Variants in EHD4 observed in about 807,000 individuals in gnomAD.
EHD4 encodes EH domain-containing protein 4.
A neutral mutation model predicts 51.0 loss-of-function variants in EHD4; 37 were observed. That is an observed-to-expected ratio of 0.73 (90% CI 0.56 to 0.95). The LOEUF (loss-of-function observed/expected upper bound fraction) is 0.95, where lower values mean the gene tolerates loss of function less well. Ranked by LOEUF, EHD4 falls within the 40% of genes least tolerant of loss-of-function variation. The probability of loss-of-function intolerance (pLI) is 0.00; values close to 1 mark genes in which losing one functional copy is unlikely to be tolerated. For missense variants in EHD4, 632 were observed against 733.1 expected, an observed-to-expected ratio of 0.86 and a Z score of 1.59; for synonymous variants, 297 against 317.3, an observed-to-expected ratio of 0.94 and a Z score of 0.68.
chr15:41,908,881 G>A (rs926625386), intron 5 of EHD4, among the ~76,000 whole-genome samples: 19 of 152,328 alleles, frequency 1.2e-4, no homozygotes, highest in African/African-American at 4.1e-4. Context: ...CACTGTTTGC[G>A]TTACTGGGTG....
intron 3 of EHD4, among the ~76,000 whole-genome samples, chr15:41,932,917 T>C (rs1298815146): frequency 6.6e-6 from 1 of 152,198 alleles, no homozygotes; most frequent in Non-Finnish European, 1.5e-5. Context: ...GCTGGGTCCG[T>C]CTATTCTGGG....
intron 1 of EHD4, among the ~76,000 whole-genome samples, chr15:41,960,437 T>C (rs995041560): frequency 6.6e-6 from 1 of 152,188 alleles, no homozygotes; most frequent in South Asian, 2.1e-4. Flanking sequence ...CCATTAGTCT[T>C]TCCTCATACC....
Position 41,900,447 on chromosome 15 carries a change from T to A in EHD4, c.*198A>T. ...TCCTAATCCACCCCCCTACCCCCAA[T>A]ATTTTCATAGAAACTAAGGGAATTT... On this transcript the variant is annotated 3_prime_UTR_variant, in exon 6 of 6. Transcript: ENST00000220325. The surrounding 1 kb of genome is among the most constrained non-coding windows in gnomAD (Gnocchi z 4.8). 2 of 613,416 alleles carry A rather than the reference T, an allele frequency of 3.3e-6. No homozygotes were observed. The allele number at this position is 613,416 out of a possible 1,614,324, so 38.0% of individuals were successfully genotyped here.
At chr15:41,920,721 C>G (rs192619705) in intron 3 of EHD4, among the ~76,000 whole-genome samples, 1 of 152,162 alleles carries the variant, frequency 6.6e-6, no homozygotes, top group East Asian at 1.9e-4. Context: ...TAACAAAATA[C>G]CATACGGTGG....
chr15:41,950,048 TAG>T (rs2067843116), intron 2 of EHD4, among the ~76,000 whole-genome samples: 1 of 152,266 alleles, frequency 6.6e-6, no homozygotes, highest in South Asian at 2.1e-4. Flanking sequence ...AGCAGTCTGC[TAG>T]AGTTTCAGAA....
chr15:41,971,907 C>G (rs1321308438), intron 1 of EHD4, among the ~76,000 whole-genome samples: 1 of 152,276 alleles, frequency 6.6e-6, no homozygotes, highest in African/African-American at 2.4e-5. Context: ...CCTCTCCCCC[C>G]ATTTCCATCC....
chr15:41,918,576 C>CT (rs1488014400), intron 4 of EHD4, among the ~76,000 whole-genome samples: 1 of 152,240 alleles, frequency 6.6e-6, no homozygotes, highest in Non-Finnish European at 1.5e-5. Flanking sequence ...TGGGCACACA[C>CT]TCCTGGGGCT....
chr15:41,907,372 A>G (rs185296437), intron 5 of EHD4, among the ~76,000 whole-genome samples: 1 of 152,330 alleles, frequency 6.6e-6, no homozygotes, highest in African/African-American at 2.4e-5. Context: ...CAGGGGTGTG[A>G]ATGGGGAAGT....
chr15:41,935,853 C>G (rs187995977), intron 3 of EHD4, among the ~76,000 whole-genome samples: 1 of 152,170 alleles, frequency 6.6e-6, no homozygotes, highest in Non-Finnish European at 1.5e-5. Flanking sequence ...GATAGTCAGA[C>G]AGTGGTTGGG....
intron 3 of EHD4, among the ~76,000 whole-genome samples, chr15:41,940,539 G>A (rs1453149263): frequency 1.3e-5 from 2 of 152,328 alleles, no homozygotes; most frequent in East Asian, 3.9e-4. Context: ...CACCGGGCTT[G>A]GGAACCACAG....
chr15:41,907,870 GTATA>G (rs66791242), intron 5 of EHD4, among the ~76,000 whole-genome samples: 26,389 of 107,502 alleles, frequency 0.25, 2,775 homozygotes, highest in African/African-American at 0.36. Context: ...GTGTGTGTGT[GTATA>G]TATTTATTTA....
chr15:41,956,004 T>C (rs956014397), intron 1 of EHD4, among the ~76,000 whole-genome samples: 1 of 152,066 alleles, frequency 6.6e-6, no homozygotes, highest in Non-Finnish European at 1.5e-5. Context: ...GAGAGACTGC[T>C]GGGGAGGGAG....
intron 5 of EHD4, among the ~76,000 whole-genome samples, chr15:41,908,050 G>C (rs979574757): frequency 9.2e-5 from 14 of 151,976 alleles, no homozygotes; most frequent in African/African-American, 3.4e-4. Context: ...ATTTTTAGTA[G>C]AGACAGGGTT....
At chr15:41,915,808 G>T in intron 4 of EHD4, among the ~76,000 whole-genome samples, 1 of 152,078 alleles carries the variant, frequency 6.6e-6, no homozygotes, top group East Asian at 1.9e-4. Flanking sequence ...TTCCAAGAAG[G>T]ATGTCTACTG....
In EHD4 at chr15:41,898,880, G is replaced by A. The variant is rs182600142; in HGVS notation, c.*1765C>T. 6.0e-4 allele frequency: 91 copies of A among 152,236 alleles called. No individual in the cohort carries two copies. The highest frequency in any genetic ancestry group is 2.0e-3 in the African/African-American group (84 of 41,538). The allele number at this position is 152,236 out of a possible 1,614,324, so 9.4% of individuals were successfully genotyped here. A position where few individuals can be genotyped will look rare whatever the true frequency, so the allele number is the denominator to read the frequency against. On this transcript the variant is annotated 3_prime_UTR_variant, in exon 6 of 6. Transcript: ENST00000220325. ...AATAATAAATGGTTCTTTTCTATGC[G>A]TCTAATGAATTTAAGTGCTTGTTAA... is the stretch of plus-strand genomic sequence containing the variant.
At position 41,934,120 on chromosome 15, in the gene EHD4, G is replaced by T. The variant is rs557435511; in HGVS notation, c.511+8947C>A. On this transcript the variant is annotated intron_variant, in intron 3 of 5. Transcript: ENST00000220325. ...GAGATGCAGGACAAAGCCCAGGTTGGTTTCGGTAGGTTCTCCAAGTTTGCC... is the reference window on the plus strand; with the variant it reads ...GAGATGCAGGACAAAGCCCAGGTTGTTTTCGGTAGGTTCTCCAAGTTTGCC... Among the ~76,000 whole-genome samples the T allele has an allele frequency of 7.2e-5, 11 of 152,186 alleles. No individual in the cohort carries two copies. In the East Asian group the frequency reaches 2.1e-3, roughly 29 times the overall value.
At chr15:41,905,936 T>A (rs1595529562) in intron 5 of EHD4, among the ~76,000 whole-genome samples, 2 of 152,394 alleles carry the variant, frequency 1.3e-5, no homozygotes, top group East Asian at 3.9e-4. Flanking sequence ...ACTCCCAAAG[T>A]GCTGGGATTA....
chr15:41,913,102 C>G (rs768125877), intron 4 of EHD4, among the ~76,000 whole-genome samples: 1 of 152,168 alleles, frequency 6.6e-6, no homozygotes, highest in African/African-American at 2.4e-5. Context: ...ACATCAAACA[C>G]GGACACAATG....
At chr15:41,955,833 A>C (rs2067883939) in intron 1 of EHD4, among the ~76,000 whole-genome samples, 2 of 152,154 alleles carry the variant, frequency 1.3e-5, no homozygotes, top group African/African-American at 2.4e-5. Flanking sequence ...TGTGGAATTT[A>C]GGTTTTACAG....
Sources: allele counts gnomAD v4.1 joint callset (sites outside exome capture counted in the v4.1 genomes callset), GRCh38; gene constraint gnomAD v4.1.1; non-coding constraint Gnocchi (gnomAD v3.1); transcripts MANE v1.5; gene names NCBI Gene and HGNC (gene_info 2026-07-23, HGNC 2026-07-21).